Variants in MATCAP2 observed in about 807,000 individuals in gnomAD.
MATCAP2 encodes the protein microtubule associated tyrosine carboxypeptidase 2.
At chr7:36,362,093 T>C in the MATCAP2 span, among the ~76,000 whole-genome samples, 3 of 152,256 alleles carry the variant, frequency 2.0e-5, no homozygotes, top group South Asian at 2.1e-4. Context: ...TACAAAGTCA[T>C]TGGGCTGCAC....
the MATCAP2 span, chr7:36,390,022 G>A: frequency 6.2e-7 from 1 of 1,613,956 alleles, no homozygotes; most frequent in Non-Finnish European, 8.5e-7. Context: ...CCGACGCCTG[G>A]GGCGATGGAT....
At chr7:36,371,516 G>C in the MATCAP2 span, among the ~76,000 whole-genome samples, 2 of 152,062 alleles carry the variant, frequency 1.3e-5, no homozygotes, top group Non-Finnish European at 2.9e-5. Flanking sequence ...AGTTGATGGA[G>C]TTTTGGTATT....
the MATCAP2 span, among the ~76,000 whole-genome samples, chr7:36,372,313 A>G: frequency 6.6e-6 from 1 of 152,192 alleles, no homozygotes. Context: ...TTCTTGATTC[A>G]TAAAAGAGGA....
chr7:36,343,001 C>T, the MATCAP2 span, among the ~76,000 whole-genome samples: 2 of 151,984 alleles, frequency 1.3e-5, no homozygotes, highest in Admixed American at 1.3e-4. Context: ...GGAAGCATTA[C>T]CCTGAAAACT....
the MATCAP2 span, among the ~76,000 whole-genome samples, chr7:36,343,667 A>G: frequency 6.7e-6 from 1 of 150,322 alleles, no homozygotes; most frequent in African/African-American, 2.5e-5. Flanking sequence ...GAAGGAAAGA[A>G]AGTAAAGGAA....
At chr7:36,352,396 TAAAAAAAAAAA>T in the MATCAP2 span, among the ~76,000 whole-genome samples, 4 of 106,186 alleles carry the variant, frequency 3.8e-5, no homozygotes, top group Admixed American at 3.1e-4. Flanking sequence ...GACTCCATCT[TAAAAAAAAAAA>T]AAAAAAAAAA....
chr7:36,367,247 C>A, the MATCAP2 span: 7 of 1,092,250 alleles, frequency 6.4e-6, no homozygotes, highest in Admixed American at 3.6e-4. Flanking sequence ...AAACTGCCCC[C>A]GGGGTCCGCG....
At chr7:36,369,665 G>C in the MATCAP2 span, among the ~76,000 whole-genome samples, 1 of 152,052 alleles carries the variant, frequency 6.6e-6, no homozygotes, top group Non-Finnish European at 1.5e-5. Context: ...TATTTATATA[G>C]AAGACACTGG....
At chr7:36,327,958 T>C in the MATCAP2 span, among the ~76,000 whole-genome samples, 3 of 152,230 alleles carry the variant, frequency 2.0e-5, no homozygotes, top group Non-Finnish European at 4.4e-5. Flanking sequence ...TTTTGAATTT[T>C]TGTAAAAAAG....
the MATCAP2 span, chr7:36,366,715 G>A: frequency 2.0e-6 from 3 of 1,535,326 alleles, no homozygotes; most frequent in Non-Finnish European, 2.6e-6. Flanking sequence ...GATAATAAGT[G>A]ACGAAAGGAT....
At chr7:36,361,295 G>C in the MATCAP2 span, among the ~76,000 whole-genome samples, 1 of 152,146 alleles carries the variant, frequency 6.6e-6, no homozygotes, top group Admixed American at 6.5e-5. Context: ...GGGAGACACT[G>C]CTCTCTAAAA....
At chr7:36,327,651 G>T in the MATCAP2 span, among the ~76,000 whole-genome samples, 10 of 152,198 alleles carry the variant, frequency 6.6e-5, no homozygotes, top group Non-Finnish European at 7.3e-5. Context: ...ATTATACAGG[G>T]TGAGCATCCC....
chr7:36,357,604 C>T, the MATCAP2 span: 1 of 1,562,710 alleles, frequency 6.4e-7, no homozygotes, highest in African/African-American at 1.4e-5. Context: ...TGTTAATAAA[C>T]AAAATCAAAA....
chr7:36,363,665 T>G, the MATCAP2 span, among the ~76,000 whole-genome samples: 55 of 152,218 alleles, frequency 3.6e-4, no homozygotes, highest in Admixed American at 6.5e-5. Context: ...AATGGAGTTG[T>G]CTGGTATGAA....
At chr7:36,352,274 G>A in the MATCAP2 span, among the ~76,000 whole-genome samples, 1,025 of 151,718 alleles carry the variant, frequency 6.8e-3, 13 homozygotes, top group African/African-American at 0.022. Flanking sequence ...GCGCACGCCT[G>A]TAATCCCAGC....
At chr7:36,326,782 C>T in the MATCAP2 span, 1 of 1,613,310 alleles carries the variant, frequency 6.2e-7, no homozygotes, top group South Asian at 1.1e-5. Flanking sequence ...TTTCAGTTCC[C>T]TGTCAGTCAG....
the MATCAP2 span, chr7:36,390,322 T>C: frequency 1.9e-6 from 1 of 516,554 alleles, no homozygotes; most frequent in African/African-American, 1.9e-5. Flanking sequence ...CCCCCGTTTT[T>C]ACCATGTCCC....
At chr7:36,350,419 T>A in the MATCAP2 span, among the ~76,000 whole-genome samples, 1 of 151,928 alleles carries the variant, frequency 6.6e-6, no homozygotes, top group Non-Finnish European at 1.5e-5. Context: ...TTGATTCTAA[T>A]AAAATGGAGC....
At chr7:36,344,108 A>T in the MATCAP2 span, among the ~76,000 whole-genome samples, 1 of 152,234 alleles carries the variant, frequency 6.6e-6, no homozygotes, top group Non-Finnish European at 1.5e-5. Context: ...TCTGAGACAC[A>T]TCAGGATGTC....
Sources: gnomAD v4.1 joint callset for allele counts (sites outside exome capture counted in the v4.1 genomes callset) on GRCh38, gnomAD v4.1.1 for gene constraint, MANE v1.5 for transcripts, NCBI Gene and HGNC (gene_info 2026-07-23, HGNC 2026-07-21) for gene names.